PITPNA: variants seen among roughly 807,000 people sequenced by gnomAD.
PITPNA encodes the protein phosphatidylinositol transfer protein alpha isoform.
PITPNA carries 13 observed loss-of-function variants against 50.3 expected under a neutral mutation model. That is an observed-to-expected ratio of 0.26 (90% CI 0.17 to 0.41). The LOEUF is 0.41. Ranked by LOEUF, PITPNA falls within the 10% of genes least tolerant of loss-of-function variation. PITPNA has a pLI of 1.00. For missense variants in PITPNA, 207 were observed against 333.4 expected, an observed-to-expected ratio of 0.62 and a Z score of 2.95; for synonymous variants, 120 against 119.6, an observed-to-expected ratio of 1.00 and a Z score of -0.02.
chr17:1,521,902 G>T (rs2075515652), intron 10 of PITPNA, among the ~76,000 whole-genome samples: 1 of 144,760 alleles, frequency 6.9e-6, no homozygotes. Flanking sequence ...TTGGTAAAGA[G>T]GTGTGTGTGG....
chr17:1,540,377 C>T (rs1315007652), intron 6 of PITPNA, among the ~76,000 whole-genome samples: 3 of 152,144 alleles, frequency 2.0e-5, no homozygotes, highest in South Asian at 2.1e-4. Context: ...TAACAGCCAC[C>T]TCTAAGAGAT....
At chr17:1,531,489 C>T (rs1248792844) in intron 10 of PITPNA, among the ~76,000 whole-genome samples, 7 of 152,038 alleles carry the variant, frequency 4.6e-5, no homozygotes, top group Admixed American at 4.6e-4. Context: ...GAGATCGTGC[C>T]ACTGCACTCC....
chr17:1,540,665 T>G (rs1246863754), intron 6 of PITPNA, among the ~76,000 whole-genome samples: 1 of 151,768 alleles, frequency 6.6e-6, no homozygotes, highest in Non-Finnish European at 1.5e-5. Flanking sequence ...CTCGGCTCAC[T>G]GCAAGCTTCG....
intron 10 of PITPNA, among the ~76,000 whole-genome samples, chr17:1,532,401 A>G (rs2075589295): frequency 2.0e-5 from 3 of 147,102 alleles, no homozygotes; most frequent in African/African-American, 7.8e-5. Context: ...AAGATTTTCA[A>G]AAGGGTCTGA....
intron 10 of PITPNA, among the ~76,000 whole-genome samples, chr17:1,524,568 A>C (rs1012296640): frequency 1.3e-5 from 2 of 152,100 alleles, no homozygotes; most frequent in African/African-American, 4.8e-5. Context: ...CCTAAGCCCC[A>C]ATTTCTATAA....
intron 6 of PITPNA, 101 bp downstream of exon 6, chr17:1,541,465 G>A (rs750712965): frequency 2.4e-6 from 2 of 840,400 alleles, no homozygotes; most frequent in Non-Finnish European, 4.1e-6. Flanking sequence ...TCCCGGCCAG[G>A]CAAAAGAGGA....
At position 1,562,756 on chromosome 17, in the gene PITPNA, C is replaced by G. The variant is rs1392655380; in HGVS notation, c.-196G>C. The G allele has an allele frequency of 5.8e-6, 1 of 172,672 alleles. No individual in the cohort carries two copies. The allele number at this position is 172,672 out of a possible 1,614,324, so 10.7% of individuals were successfully genotyped here. On this transcript the variant is annotated 5_prime_UTR_variant, in exon 1 of 12. Coordinates refer to ENST00000313486, the MANE Select transcript of PITPNA (RefSeq NM_006224.4). This position sits in a 1 kb window ranked among gnomAD's most constrained non-coding sequence, Gnocchi z 6.4. Reference sequence around the variant, plus strand: ...GCCTCGTCGCCTCTCGCGCCGCTGCCGACGCCGCCCGGAGCTCCGGTTCCG... The same window carrying G: ...GCCTCGTCGCCTCTCGCGCCGCTGCGGACGCCGCCCGGAGCTCCGGTTCCG...
chr17:1,535,140 C>A (rs1179618840), intron 9 of PITPNA, 42 bp downstream of exon 9: 1 of 1,241,916 alleles, frequency 8.1e-7, no homozygotes, highest in Non-Finnish European at 1.2e-6. Context: ...CCCCACAACA[C>A]ACACACGCAG....
At chr17:1,546,371 A>T (rs2151010617) in intron 4 of PITPNA, among the ~76,000 whole-genome samples, 1 of 152,272 alleles carries the variant, frequency 6.6e-6, no homozygotes, top group South Asian at 2.1e-4. Context: ...CAATGACCGC[A>T]AATCTCCTGA....
At chr17:1,535,075 A>C in intron 9 of PITPNA, 107 bp downstream of exon 9, 2 of 605,498 alleles carry the variant, frequency 3.3e-6, no homozygotes, top group East Asian at 3.4e-5. Context: ...ACACGCAGTC[A>C]CTGGGAAGGC....
In PITPNA at chr17:1,520,339, G is replaced by C. The variant is rs555078473; in HGVS notation, c.*222C>G. The C allele has an allele frequency of 6.5e-6, 1 of 152,676 alleles. No individual in the cohort carries two copies. The highest frequency in any genetic ancestry group is 2.4e-5 in the African/African-American group (1 of 41,460). 9.5% of individuals were successfully genotyped at this position (152,676 alleles called of 1,614,324 possible). A position where few individuals can be genotyped will look rare whatever the true frequency, so the allele number is the denominator to read the frequency against. The stretch of plus-strand genomic sequence containing the variant: ...CAACCTACACGCCACGTATCTCGGA[G>C]GAGCAGGCTCCTGCACACGCGGGCT... On this transcript the variant is annotated 3_prime_UTR_variant, in exon 12 of 12. Coordinates refer to ENST00000313486, the MANE Select transcript of PITPNA (RefSeq NM_006224.4).
chr17:1,539,385 G>A (rs1192985665), intron 6 of PITPNA, among the ~76,000 whole-genome samples: 5 of 151,364 alleles, frequency 3.3e-5, no homozygotes, highest in Admixed American at 6.6e-5. Context: ...GCCTCCTGAG[G>A]AGCTGGGCCC....
At position 1,519,289 on chromosome 17, in the gene PITPNA, A is replaced by T. The variant is rs2075494120; in HGVS notation, c.*1272T>A. On this transcript the variant is annotated 3_prime_UTR_variant, in exon 12 of 12. Transcript: ENST00000313486. ...CAAGGTTTGGGGAATGTCAGGTGAC[A>T]CTACAGCTCTCTCTCATTCTCCCAC... 1 of 152,268 alleles carries T rather than the reference A, an allele frequency of 6.6e-6. No individual in the cohort carries two copies. The highest frequency in any genetic ancestry group is 1.5e-5 in the Non-Finnish European group (1 of 68,052). 9.4% of individuals were successfully genotyped at this position (152,268 alleles called of 1,614,324 possible).
At position 1,541,660 on chromosome 17, in the gene PITPNA, T is replaced by G; in HGVS notation, c.298-20A>C. On this transcript the variant is annotated intron_variant, in intron 5 of 11. Coordinates refer to ENST00000313486, the MANE Select transcript of PITPNA (RefSeq NM_006224.4). ...CTCATTCTGGAAGAAGGAAAAAAAA[T>G]ACATGAAAGTCACTAGGTTCACAGT... is the stretch of plus-strand genomic sequence containing the variant. 1 of 1,497,182 alleles carries G rather than the reference T, an allele frequency of 6.7e-7. No individual in the cohort carries two copies. The highest frequency in any genetic ancestry group is 9.3e-7 in the Non-Finnish European group (1 of 1,074,368). The allele number at this position is 1,497,182 out of a possible 1,614,324, so 92.7% of individuals were successfully genotyped here. A position where few individuals can be genotyped will look rare whatever the true frequency, so the allele number is the denominator to read the frequency against.
chr17:1,524,279 C>T (rs1274598227), intron 10 of PITPNA, among the ~76,000 whole-genome samples: 5 of 145,660 alleles, frequency 3.4e-5, no homozygotes, highest in East Asian at 2.1e-4. Flanking sequence ...GTCCTGACCT[C>T]ATGATCCGCC....
chr17:1,540,834 C>T (rs950584588), intron 6 of PITPNA, among the ~76,000 whole-genome samples: 26 of 152,304 alleles, frequency 1.7e-4, no homozygotes, highest in Admixed American at 1.6e-3. Flanking sequence ...ATCCGCCTGC[C>T]TCGGCCTCCC....
At chr17:1,557,942 C>A (rs11078495) in intron 2 of PITPNA, among the ~76,000 whole-genome samples, 1 of 152,032 alleles carries the variant, frequency 6.6e-6, no homozygotes, top group Non-Finnish European at 1.5e-5. Flanking sequence ...ATCAATAATG[C>A]GTCCCCGGCC....
chr17:1,524,234 CG>C (rs2075532757), intron 10 of PITPNA, among the ~76,000 whole-genome samples: 1 of 150,116 alleles, frequency 6.7e-6, no homozygotes, highest in Middle Eastern at 3.6e-3. Context: ...TTAGTAGAGA[CG>C]GGGTTTCACC....
At position 1,519,543 on chromosome 17, in the gene PITPNA, G is replaced by A. The variant is rs549441752; in HGVS notation, c.*1018C>T. 5.9e-5 allele frequency: 9 copies of A among 152,762 alleles called. No homozygotes were observed. The highest frequency in any genetic ancestry group is 1.9e-4 in the African/African-American group (8 of 41,570). The allele number at this position is 152,762 out of a possible 1,614,324, so 9.5% of individuals were successfully genotyped here. A position where few individuals can be genotyped will look rare whatever the true frequency, so the allele number is the denominator to read the frequency against. On this transcript the variant is annotated 3_prime_UTR_variant, in exon 12 of 12. Transcript: ENST00000313486. ...AACTGGAGACGAGGGAACATGTTCT[G>A]CTGGAAAAAGCTTTTTGCATGCTCA...
Sources: allele counts gnomAD v4.1 joint callset (sites outside exome capture counted in the v4.1 genomes callset), GRCh38; gene constraint gnomAD v4.1.1; non-coding constraint Gnocchi (gnomAD v3.1); transcripts MANE v1.5; gene names NCBI Gene and HGNC (gene_info 2026-07-23, HGNC 2026-07-21).